Variants in PRPF31 observed in about 807,000 individuals in gnomAD.
PRPF31 encodes the protein U4/U6 small nuclear ribonucleoprotein Prp31.
A neutral mutation model predicts 60.4 loss-of-function variants in PRPF31; 12 were observed. That is an observed-to-expected ratio of 0.20 (90% CI 0.13 to 0.32). PRPF31 has a LOEUF of 0.32. Among genes scored for constraint, PRPF31 ranks in the 10% least tolerant of loss-of-function variants. The pLI is 1.00. For synonymous variants in PRPF31, 287 were observed against 287.9 expected (o/e 1.00, Z 0.03); for missense variants, 431 against 687.1 (o/e 0.63, Z 4.17).
rs587677320 is a variant in PRPF31, at chr19:54,118,940, T to C, written c.238+307T>C. 5.3e-4 allele frequency: 232 copies of C among 439,098 alleles called. 2 individuals are homozygous for C. Among genetic ancestry groups the C allele is most frequent in the African/African-American group, 3.9e-3 (196 of 49,988 alleles). The allele number at this position is 439,098 out of a possible 1,614,324, so 27.2% of individuals were successfully genotyped here. A position where few individuals can be genotyped will look rare whatever the true frequency, so the allele number is the denominator to read the frequency against. ...TTTTGCCACATCTATAAGCCGCTTA[T>C]CCTATTATTTGCTTAACATATTCTT... is the stretch of plus-strand genomic sequence containing the variant. On this transcript the variant is annotated intron_variant, in intron 3 of 13. Coordinates refer to ENST00000321030, the MANE Select transcript of PRPF31 (RefSeq NM_015629.4).
Position 54,126,632 on chromosome 19 carries a change from G to T in PRPF31, c.945+15G>T, listed in dbSNP as rs587685524. The T allele has an allele frequency of 3.7e-6, 6 of 1,611,130 alleles. No individual in the cohort carries two copies. Among genetic ancestry groups the T allele is most frequent in the East Asian group, 2.2e-5 (1 of 44,810 alleles). ...CAGAAGGGAAGGTGAGGAGGGAAAG[G>T]TGAGGGGCGGCCGGGCGTCTTTTCC... On this transcript the variant is annotated intron_variant, in intron 9 of 13. Coordinates refer to ENST00000321030, the MANE Select transcript of PRPF31 (RefSeq NM_015629.4).
intron 5 of PRPF31, chr19:54,122,871 A>C (rs1054556825): frequency 2.4e-5 from 14 of 574,408 alleles, no homozygotes; most frequent in Non-Finnish European, 3.1e-5. Flanking sequence ...TTGACATCCG[A>C]AGGTTGACAC....
At position 54,118,411 on chromosome 19, in the gene PRPF31, G is replaced by A. The variant is rs371642677; in HGVS notation, c.133G>A (p.Gly45Arg). Reference sequence around the variant, plus strand: ...GGAGGAGACACAGCTGGATCTTTCCGGGGATTCAGTCAAGACCATCGCCAA... The same window carrying A: ...GGAGGAGACACAGCTGGATCTTTCCAGGGATTCAGTCAAGACCATCGCCAA... ...VQEETQLDLSGDSVKTIAKLW... is the reference protein window; with the variant it reads ...VQEETQLDLSRDSVKTIAKLW... Residue 45 changes from glycine (G) to arginine (R), a missense_variant, in exon 2 of 14, where the codon GGG (glycine) becomes AGG (arginine). This residue lies in a region of PRPF31 where 113 missense variants were observed against 173.8 expected (regional missense o/e 0.65). Transcript: ENST00000321030. The A allele has an allele frequency of 1.4e-5, 23 of 1,613,960 alleles. No individual in the cohort carries two copies. Among genetic ancestry groups the A allele is most frequent in the Non-Finnish European group, 1.9e-5 (22 of 1,180,012 alleles).
chr19:54,118,398 G>A lies in PRPF31; in HGVS notation c.120G>A (p.Gln40=). 1 of 1,614,164 alleles carries A rather than the reference G, an allele frequency of 6.2e-7. No homozygotes were observed. The highest frequency in any genetic ancestry group is 8.5e-7 in the Non-Finnish European group (1 of 1,180,026). The change falls in exon 2 of 14, where the codon CAG becomes CAA. Residue 40 remains glutamine (Q), a synonymous_variant. Coordinates refer to ENST00000321030, the MANE Select transcript of PRPF31 (RefSeq NM_015629.4). ...PAIEDVQEET[Q]LDLSGDSVKT... ...TCGAGGATGTGCAGGAGGAGACACA[G>A]CTGGATCTTTCCGGGGATTCAGTCA...
intron 8 of PRPF31, 71 bp from the exon 9 acceptor site, chr19:54,126,457 C>T (rs993509716): frequency 4.4e-5 from 63 of 1,444,766 alleles, no homozygotes; most frequent in African/African-American, 3.8e-4. Flanking sequence ...GAGGAGCGCG[C>T]GCGGTTGCTT....
At chr19:54,129,493 C>T (rs1356630915) in intron 13 of PRPF31, 123 bp downstream of exon 13, 22 of 1,244,100 alleles carry the variant, frequency 1.8e-5, no homozygotes, top group Admixed American at 4.1e-5. Flanking sequence ...GGTGTGGTGA[C>T]GAGGTATGCA....
At chr19:54,116,726 G>C (rs1457858781) in intron 1 of PRPF31, among the ~76,000 whole-genome samples, 4 of 152,256 alleles carry the variant, frequency 2.6e-5, no homozygotes, top group Non-Finnish European at 5.9e-5. Flanking sequence ...GCAACCTCCT[G>C]TAGTCTAGAG....
chr19:54,126,046 G>T (rs2146433658), intron 8 of PRPF31, among the ~76,000 whole-genome samples: 1 of 152,360 alleles, frequency 6.6e-6, no homozygotes, highest in Middle Eastern at 3.4e-3. Flanking sequence ...GTGGCTGACA[G>T]CTGGGCTCTG....
chr19:54,122,590 T>C lies in PRPF31; in HGVS notation c.416T>C (p.Val139Ala), dbSNP rs1231371893. 1 of 1,613,642 alleles carries C rather than the reference T, an allele frequency of 6.2e-7. No individual in the cohort carries two copies. ...VPNALDYIRTVKELGNSLDKC... is the reference protein window; with the variant it reads ...VPNALDYIRTAKELGNSLDKC... ...AATGCACTGGATTACATCCGCACGG[T>C]CAAGGTGAGCGCAGAGAAGGTGGGG... The change falls in exon 5 of 14, where the codon GTC (valine) becomes GCC (alanine). Residue 139 changes from valine to alanine, a missense_variant. Physicochemically the swap from Val to Ala is moderately conservative, Grantham distance 64 (BLOSUM62 0). This residue lies in a region of PRPF31 where 113 missense variants were observed against 173.8 expected (regional missense o/e 0.65). Transcript: ENST00000321030.
chr19:54,130,102 G>T (rs112259873), intron 13 of PRPF31, among the ~76,000 whole-genome samples: 59 of 121,668 alleles, frequency 4.8e-4, no homozygotes, highest in Middle Eastern at 6.4e-3. Flanking sequence ...TCCAGTGTAG[G>T]AGAAGGCAGA....
rs937928693 is a variant in PRPF31 at position 54,126,718 on chromosome 19, T to G, written c.945+101T>G. The stretch of plus-strand genomic sequence containing the variant: ...GCAGGGAGCCCACCCCAGCGAGCAC[T>G]GTCCTACCAAGGCGGAGGCAGTGCT... On this transcript the variant is annotated intron_variant, in intron 9 of 13. Transcript: ENST00000321030. 8.3e-6 allele frequency: 10 copies of G among 1,201,490 alleles called. No individual in the cohort carries two copies. The African/African-American group carries it at 1.5e-4, about 18-fold the overall frequency. The allele number at this position is 1,201,490 out of a possible 1,614,324, so 74.4% of individuals were successfully genotyped here. A position where few individuals can be genotyped will look rare whatever the true frequency, so the allele number is the denominator to read the frequency against.
chr19:54,125,080 C>T (rs1345844769), intron 8 of PRPF31: 2 of 300,750 alleles, frequency 6.7e-6, no homozygotes, highest in Non-Finnish European at 1.3e-5. Flanking sequence ...GCACATCAGC[C>T]ATGGGGAGAG....
chr19:54,124,323 G>A, intron 7 of PRPF31, 176 bp from the exon 8 acceptor site: 1 of 698,092 alleles, frequency 1.4e-6, no homozygotes, highest in African/African-American at 1.8e-5. Flanking sequence ...AGCCTCCTTT[G>A]CATCTGCCCC....
intron 13 of PRPF31, 93 bp downstream of exon 13, chr19:54,129,463 C>G (rs1275647050): frequency 7.1e-7 from 1 of 1,417,616 alleles, no homozygotes; most frequent in African/African-American, 1.4e-5. Flanking sequence ...GATGAGTCTC[C>G]TCATGGGGCT....
At position 54,129,322 on chromosome 19, in the gene PRPF31, C is replaced by T. The variant is rs199893456; in HGVS notation, c.1326C>T (p.Arg442=). ...SVVYGGKSTI[R]DRSSGTASSV... is the part of the protein sequence containing the mutation. ...TATATGGCGGGAAGTCCACCATCCG[C>T]GACCGCTCCTCGGGCACGGCCTCCA... The change falls in exon 13 of 14, where the codon CGC becomes CGT. Residue 442 remains arginine, a synonymous_variant. Transcript: ENST00000321030. 49 of 1,606,980 alleles carry T rather than the reference C, an allele frequency of 3.0e-5. No individual in the cohort carries two copies. The South Asian group carries it at 4.1e-4, about 13-fold the overall frequency.
rs1568589584 is a variant in PRPF31 at position 54,123,651 on chromosome 19, T to TACACACATGCACACACACAC, written c.528-94_528-75dup. 1.6e-4 allele frequency: 247 copies of TACACACATGCACACACACAC among 1,592,242 alleles called. No homozygotes were observed. In the South Asian group the frequency reaches 2.6e-3, roughly 17 times the overall value. The stretch of plus-strand genomic sequence containing the variant: ...GCAGGTGTACACACGCACACACACA[T>TACACACATGCACACACACAC]ACACACATGCACACACACACACAGA... On this transcript the variant is annotated intron_variant, in intron 6 of 13. Transcript: ENST00000321030.
intron 1 of PRPF31, among the ~76,000 whole-genome samples, chr19:54,117,949 A>T (rs983083304): frequency 2.0e-5 from 3 of 152,188 alleles, no homozygotes; most frequent in South Asian, 2.1e-4. Flanking sequence ...AAGGAGGGAA[A>T]CAAAGAATTT....
rs1242352671 is a variant in PRPF31 at position 54,127,966 on chromosome 19, GT to G, written c.946-106del. Reference sequence around the variant, plus strand: ...GGGGGTGGCGGTGAGGCAGCATTAGGTGCTGATTTAACTAAGGCACGTGGAT... The same window carrying G: ...GGGGGTGGCGGTGAGGCAGCATTAGGGCTGATTTAACTAAGGCACGTGGAT... On this transcript the variant is annotated intron_variant, in intron 9 of 13. Coordinates refer to ENST00000321030, the MANE Select transcript of PRPF31 (RefSeq NM_015629.4). 4 of 1,448,692 alleles carry G rather than the reference GT, an allele frequency of 2.8e-6. No individual in the cohort carries two copies. The Admixed American group carries it at 7.9e-5, about 29-fold the overall frequency. 89.7% of individuals were successfully genotyped at this position (1,448,692 alleles called of 1,614,324 possible).
At chr19:54,129,474 G>A in intron 13 of PRPF31, 104 bp downstream of exon 13, 1 of 1,351,824 alleles carries the variant, frequency 7.4e-7, no homozygotes, top group Non-Finnish European at 1.0e-6. Context: ...TCATGGGGCT[G>A]TTGTGGAGGG....
Sources: gnomAD v4.1 joint callset for allele counts (sites outside exome capture counted in the v4.1 genomes callset) on GRCh38, gnomAD v4.1.1 for gene constraint, gnomAD v4.1.1 regional missense constraint, MANE v1.5 for transcripts, NCBI Gene and HGNC (gene_info 2026-07-23, HGNC 2026-07-21) for gene names.